The following BTRC variants were observed in gnomAD, a reference collection of about 807,000 sequenced individuals.
BTRC encodes beta-transducin repeat containing E3 ubiquitin protein ligase.
Under a neutral mutation model 85.5 loss-of-function variants are expected in BTRC, and 42 were observed. The observed-to-expected ratio is 0.49, with a 90% CI of 0.38 to 0.64. The LOEUF is 0.64. Among genes scored for constraint, BTRC ranks in the 30% least tolerant of loss-of-function variants. The pLI, the probability that BTRC is intolerant of heterozygous loss-of-function variation, is 0.00. For synonymous variants in BTRC, 255 were observed against 263.3 expected, an observed-to-expected ratio of 0.97 and a Z score of 0.30; for missense variants, 594 against 743.5, an observed-to-expected ratio of 0.80 and a Z score of 2.34.
intron 1 of BTRC, among the ~76,000 whole-genome samples, chr10:101,367,935 C>T (rs866755565): frequency 6.6e-6 from 1 of 152,094 alleles, no homozygotes; most frequent in African/African-American, 2.4e-5. Flanking sequence ...AACATATGTA[C>T]ATATTTCTGT....
At chr10:101,497,448 C>G (rs1946290353) in intron 4 of BTRC, among the ~76,000 whole-genome samples, 1 of 152,086 alleles carries the variant, frequency 6.6e-6, no homozygotes, top group Non-Finnish European at 1.5e-5. Flanking sequence ...TGCCTGTAAT[C>G]CTGGCACTTT....
intron 2 of BTRC, among the ~76,000 whole-genome samples, chr10:101,437,176 C>T (rs925122936): frequency 2.6e-5 from 4 of 152,148 alleles, no homozygotes; most frequent in African/African-American, 9.7e-5. Flanking sequence ...CCCAGCTACA[C>T]CCTTCACCTT....
At chr10:101,366,918 T>TTA (rs1285770211) in intron 1 of BTRC, among the ~76,000 whole-genome samples, 12 of 3,182 alleles carry the variant, frequency 3.8e-3, no homozygotes, top group South Asian at 0.011. Flanking sequence ...TAATATATAT[T>TTA]TATATATATT....
In BTRC at chr10:101,534,681, G is replaced by A; in HGVS notation, c.1118G>A (p.Gly373Asp). Residue 373 changes from glycine to aspartate, a missense_variant, in exon 10 of 15, where the codon GGT becomes GAT. Physicochemically the swap from Gly to Asp is moderately conservative, Grantham distance 94 (BLOSUM62 -1). Around this residue, in one of 4 missense-constraint regions of BTRC, gnomAD observed 373 missense variants for 503.6 expected, o/e 0.74. Coordinates refer to ENST00000370187, the MANE Select transcript of BTRC (RefSeq NM_033637.4). ...STVRVWDVNT[G>D]EMLNTLIHHC... ...TCCAGAGTGTGGGATGTAAATACAG[G>A]TGAAATGCTAAACACGTTGATTCAC... 6.2e-7 allele frequency: 1 copy of A among 1,614,118 alleles called. No individual in the cohort carries two copies. The highest frequency in any genetic ancestry group is 8.5e-7 in the Non-Finnish European group (1 of 1,180,012).
At chr10:101,405,226 A>G (rs982267851) in intron 1 of BTRC, among the ~76,000 whole-genome samples, 2 of 151,576 alleles carry the variant, frequency 1.3e-5, no homozygotes, top group Non-Finnish European at 2.9e-5. Flanking sequence ...GTTACTGCAT[A>G]TGGGGCTACG....
In BTRC at chr10:101,526,144, G is replaced by A. The variant is rs756450284; in HGVS notation, c.688G>A (p.Glu230Lys). 2 of 1,614,140 alleles carry A rather than the reference G, an allele frequency of 1.2e-6. No homozygotes were observed. Among genetic ancestry groups the A allele is most frequent in the Non-Finnish European group, 1.7e-6 (2 of 1,180,018 alleles). ...SDGMLWKKLI[E>K]RMVRTDSLWR... ...TGGCATGCTGTGGAAGAAGCTTATC[G>A]AGAGAATGGTCAGGACAGATTCTCT... The change falls in exon 6 of 15, where the codon GAG becomes AAG. Residue 230 changes from glutamate (E) to lysine (K), a missense_variant. Glu to Lys is a moderately conservative substitution (Grantham distance 56). Transcript: ENST00000370187.
At chr10:101,482,999 A>T (rs1206439669) in intron 4 of BTRC, among the ~76,000 whole-genome samples, 1 of 152,124 alleles carries the variant, frequency 6.6e-6, no homozygotes, top group Non-Finnish European at 1.5e-5. Context: ...TTGGCTAGAG[A>T]TACTAATTAT....
At chr10:101,447,078 A>G (rs1944847062) in intron 2 of BTRC, among the ~76,000 whole-genome samples, 1 of 152,192 alleles carries the variant, frequency 6.6e-6, no homozygotes, top group Non-Finnish European at 1.5e-5. Flanking sequence ...GGGTCAAGGC[A>G]GACCAGACGA....
intron 2 of BTRC, among the ~76,000 whole-genome samples, chr10:101,458,707 T>C (rs1454350723): frequency 6.6e-6 from 1 of 152,174 alleles, no homozygotes; most frequent in East Asian, 1.9e-4. Flanking sequence ...GAAATACTCA[T>C]TTTTGGGTTA....
intron 1 of BTRC, among the ~76,000 whole-genome samples, chr10:101,372,161 A>G (rs1038841581): frequency 3.9e-5 from 6 of 152,034 alleles, no homozygotes; most frequent in Non-Finnish European, 7.4e-5. Context: ...TTTATATAAT[A>G]ACATTTCTTG....
chr10:101,500,854 T>C (rs1168492993), intron 4 of BTRC, among the ~76,000 whole-genome samples: 2 of 152,178 alleles, frequency 1.3e-5, no homozygotes, highest in African/African-American at 4.8e-5. Flanking sequence ...ATTCTTGGGG[T>C]TATAGAATAT....
intron 4 of BTRC, among the ~76,000 whole-genome samples, chr10:101,507,340 A>T (rs979776515): frequency 6.6e-6 from 1 of 152,194 alleles, no homozygotes. Flanking sequence ...AGTTTCTCCT[A>T]TTATATTTAT....
At chr10:101,431,806 T>G (rs557758176) in intron 2 of BTRC, among the ~76,000 whole-genome samples, 3 of 152,342 alleles carry the variant, frequency 2.0e-5, no homozygotes, top group Non-Finnish European at 4.4e-5. Context: ...GATATTTTCA[T>G]TTTTCCTTTA....
chr10:101,494,300 G>T (rs1946206394), intron 4 of BTRC, among the ~76,000 whole-genome samples: 1 of 152,174 alleles, frequency 6.6e-6, no homozygotes, highest in African/African-American at 2.4e-5. Flanking sequence ...AAGAGTGCTT[G>T]TCCATAACCA....
intron 13 of BTRC, among the ~76,000 whole-genome samples, chr10:101,546,665 A>G (rs2062563088): frequency 6.6e-6 from 1 of 152,220 alleles, no homozygotes; most frequent in African/African-American, 2.4e-5. Context: ...CAAAGTAAGT[A>G]GAAGAAAAGA....
chr10:101,425,168 T>C (rs1438783729), intron 1 of BTRC, among the ~76,000 whole-genome samples: 2 of 152,220 alleles, frequency 1.3e-5, no homozygotes, highest in Non-Finnish European at 2.9e-5. Context: ...CCATGGTATA[T>C]GTGTACTGCA....
In BTRC at chr10:101,554,495, A is replaced by G. The variant is rs1034059834; in HGVS notation, c.*1372A>G. The G allele has an allele frequency of 2.0e-5, 3 of 152,640 alleles. No homozygotes were observed. The highest frequency in any genetic ancestry group is 3.2e-3 in the Middle Eastern group (1 of 316). The allele number at this position is 152,640 out of a possible 1,614,324, so 9.5% of individuals were successfully genotyped here. On this transcript the variant is annotated 3_prime_UTR_variant, in exon 15 of 15. Transcript: ENST00000370187. ...TCTCACCGTGTCAACCTTGCACTGC[A>G]CAACCTTCCTTCTGCTTCTCCCACA...
intron 1 of BTRC, among the ~76,000 whole-genome samples, chr10:101,385,366 CA>C (rs10718968): frequency 0.29 from 24,007 of 82,682 alleles, 2,413 homozygotes; most frequent in East Asian, 0.54. Flanking sequence ...GACTCTGTCT[CA>C]AAAAAAAAAA....
chr10:101,512,280 C>T (rs2061967030), intron 4 of BTRC, among the ~76,000 whole-genome samples: 1 of 152,336 alleles, frequency 6.6e-6, no homozygotes, highest in Non-Finnish European at 1.5e-5. Flanking sequence ...ATTATATCCC[C>T]TTTCCCCCCA....
Sources: gnomAD v4.1 joint callset for allele counts (sites outside exome capture counted in the v4.1 genomes callset) on GRCh38, gnomAD v4.1.1 for gene constraint, gnomAD v4.1.1 regional missense constraint, MANE v1.5 for transcripts, NCBI Gene and HGNC (gene_info 2026-07-23, HGNC 2026-07-21) for gene names.